PCAT7: variants seen among roughly 807,000 people sequenced by gnomAD.
The protein encoded by PCAT7 is prostate cancer associated transcript 7 (non-protein coding).
intron 2 of PCAT7, among the ~76,000 whole-genome samples, chr9:94,563,727 A>G (rs1827143767): frequency 1.1e-5 from 1 of 94,880 alleles, no homozygotes; most frequent in Non-Finnish European, 2.3e-5. Flanking sequence ...AGAGCCGCTA[A>G]ACAAACAAAG....
chr9:94,560,853 C>T (rs1827087951), intron 2 of PCAT7, among the ~76,000 whole-genome samples: 2 of 151,054 alleles, frequency 1.3e-5, no homozygotes, highest in Admixed American at 6.6e-5. Flanking sequence ...TCCAGGCATT[C>T]GAGAGAAAGT....
At chr9:94,565,727 GTAGATAGATGA>G (rs1488477180) in intron 2 of PCAT7, among the ~76,000 whole-genome samples, 6 of 107,376 alleles carry the variant, frequency 5.6e-5, no homozygotes, top group African/African-American at 2.1e-4. Flanking sequence ...AAAGATATAG[GTAGATAGATGA>G]TAGATAGATA....
intron 2 of PCAT7, among the ~76,000 whole-genome samples, chr9:94,564,634 G>A (rs1254317188): frequency 6.6e-6 from 1 of 152,082 alleles, no homozygotes; most frequent in African/African-American, 2.4e-5. Flanking sequence ...CACAAAGAGG[G>A]AAACAACAGA....
chr9:94,559,353 G>A (rs1033456813), intron 2 of PCAT7, among the ~76,000 whole-genome samples: 18 of 152,318 alleles, frequency 1.2e-4, no homozygotes, highest in African/African-American at 4.3e-4. Flanking sequence ...CTCTGGCCAG[G>A]TGACTGAGCC....
At chr9:94,567,470 A>G (rs896735422) in intron 2 of PCAT7, 1 of 1,589,730 alleles carries the variant, frequency 6.3e-7, no homozygotes. Flanking sequence ...CAACCGCACA[A>G]TCCCCACATC....
At chr9:94,571,634 A>G (rs1827271580) in intron 2 of PCAT7, 1 of 1,590,194 alleles carries the variant, frequency 6.3e-7, no homozygotes, top group Admixed American at 1.7e-5. Context: ...GCCATGTGTT[A>G]TTGTTGTCTC....
intron 1 of PCAT7, chr9:94,558,950 C>T (rs1587833651): frequency 6.2e-7 from 1 of 1,614,018 alleles, no homozygotes; most frequent in African/African-American, 1.3e-5. Context: ...AGCTGCCTGC[C>T]TGATTTTTCT....
rs569397172 is a variant in PCAT7, at chr9:94,571,473, T to C, written n.442-1506T>C. The C allele has an allele frequency of 4.3e-6, 7 of 1,612,138 alleles. No homozygotes were observed. In the African/African-American group the frequency reaches 6.7e-5, roughly 15 times the overall value. On this transcript the variant is annotated intron_variant and non_coding_transcript_variant, in intron 2 of 8. Coordinates refer to ENST00000647389, the Ensembl canonical transcript of PCAT7. The stretch of plus-strand genomic sequence containing the variant: ...TATTCTGTACCTACCGGGTCAAGCA[T>C]GAAGAGGTCCACGCCTTGCCCTGTG...
At chr9:94,566,994 C>G (rs72743267) in intron 2 of PCAT7, among the ~76,000 whole-genome samples, 132 of 152,236 alleles carry the variant, frequency 8.7e-4, no homozygotes, top group Non-Finnish European at 1.6e-3. Context: ...CTGGCGTGAG[C>G]TCTGAATTTT....
Position 94,558,749 on chromosome 9 carries a change from C to T in PCAT7, n.258-220C>T, listed in dbSNP as rs917503928. On this transcript the variant is annotated intron_variant and non_coding_transcript_variant, in intron 1 of 8. Transcript: ENST00000647389. ...CACATGTGGGTTTTTATTTCTAGTC[C>T]TTCACATTGACCATAGAATCGCCTG... 28 of 585,346 alleles carry T rather than the reference C, an allele frequency of 4.8e-5. No individual in the cohort carries two copies. In the Admixed American group the frequency reaches 6.2e-4, roughly 13 times the overall value. 36.3% of individuals were successfully genotyped at this position (585,346 alleles called of 1,614,324 possible).
chr9:94,567,718 C>A (rs965920928), intron 2 of PCAT7: 10 of 296,236 alleles, frequency 3.4e-5, no homozygotes, highest in African/African-American at 1.5e-4. Flanking sequence ...TATGGTGAAC[C>A]CAACTGTGTG....
At chr9:94,557,095 G>A (rs1189927523) in intron 1 of PCAT7, among the ~76,000 whole-genome samples, 2 of 152,084 alleles carry the variant, frequency 1.3e-5, no homozygotes, top group South Asian at 4.1e-4. Flanking sequence ...TTTATTGATA[G>A]TACCATACTG....
intron 3 of PCAT7, among the ~76,000 whole-genome samples, chr9:94,573,582 G>A (rs949780782): frequency 2.0e-5 from 3 of 152,108 alleles, no homozygotes; most frequent in African/African-American, 7.2e-5. Flanking sequence ...CAATAGATAC[G>A]ATTATGTGAT....
At position 94,571,360 on chromosome 9, in the gene PCAT7, C is replaced by T. The variant is rs903193430; in HGVS notation, n.442-1619C>T. On this transcript the variant is annotated intron_variant and non_coding_transcript_variant, in intron 2 of 8. Coordinates refer to ENST00000647389, the Ensembl canonical transcript of PCAT7. ...CTCTCAGGACCCCTGGTCCCCAAAA[C>T]AAGTATTAGGAATAACCAGGACATT... is the stretch of plus-strand genomic sequence containing the variant. 2.4e-6 allele frequency: 3 copies of T among 1,248,742 alleles called. No homozygotes were observed. In the Admixed American group the frequency reaches 8.4e-5, roughly 35 times the overall value. 77.4% of individuals were successfully genotyped at this position (1,248,742 alleles called of 1,614,324 possible).
chr9:94,563,539 G>C, intron 2 of PCAT7: 2 of 1,537,494 alleles, frequency 1.3e-6, no homozygotes, highest in Non-Finnish European at 1.8e-6. Flanking sequence ...CACAAGTCCA[G>C]TTGGTGTGAC....
At chr9:94,558,452 G>A (rs377112683) in intron 1 of PCAT7, among the ~76,000 whole-genome samples, 21 of 152,060 alleles carry the variant, frequency 1.4e-4, no homozygotes, top group African/African-American at 4.1e-4. Flanking sequence ...CCGCCACCAC[G>A]CCCGGCTAAT....
At chr9:94,563,216 C>A in intron 2 of PCAT7, 1 of 1,078,584 alleles carries the variant, frequency 9.3e-7, no homozygotes, top group Non-Finnish European at 1.3e-6. Flanking sequence ...GTTCATTTTT[C>A]CTCCCCTGCC....
At chr9:94,563,588 T>G in intron 2 of PCAT7, 1 of 991,852 alleles carries the variant, frequency 1.0e-6, no homozygotes, top group Non-Finnish European at 1.5e-6. Flanking sequence ...CCCACTAGTG[T>G]AGGAATTGAA....
intron 1 of PCAT7, among the ~76,000 whole-genome samples, chr9:94,555,765 A>T (rs1012565151): frequency 1.3e-5 from 2 of 151,812 alleles, no homozygotes; most frequent in African/African-American, 4.8e-5. Context: ...ATGGTGGAGA[A>T]AAGATGGTAG....
Sources: gnomAD v4.1 joint callset for allele counts (sites outside exome capture counted in the v4.1 genomes callset) on GRCh38, gnomAD v4.1.1 for gene constraint, MANE v1.5 for transcripts, NCBI Gene and HGNC (gene_info 2026-07-23, HGNC 2026-07-21) for gene names.